PPP4R2: variants seen among roughly 807,000 people sequenced by gnomAD.
PPP4R2 encodes serine/threonine-protein phosphatase 4 regulatory subunit 2.
Under a neutral mutation model 47.2 loss-of-function variants are expected in PPP4R2, and 13 were observed. The ratio of observed to expected loss-of-function variants is 0.28; its 90% CI spans 0.18 to 0.44. The LOEUF (loss-of-function observed/expected upper bound fraction) is 0.44. Among genes scored for constraint, PPP4R2 ranks in the 20% least tolerant of loss-of-function variants. The pLI is 1.00. For missense variants in PPP4R2, 421 were observed against 491.2 expected (o/e 0.86, Z 1.35); for synonymous variants, 151 against 163.3 (o/e 0.92, Z 0.57).
At chr3:73,044,571 G>T (rs1487318551) in intron 2 of PPP4R2, among the ~76,000 whole-genome samples, 1 of 152,176 alleles carries the variant, frequency 6.6e-6, no homozygotes, top group African/African-American at 2.4e-5. Flanking sequence ...TGGCAACGGA[G>T]TGACACTGTC....
intron 2 of PPP4R2, among the ~76,000 whole-genome samples, chr3:73,031,824 C>T (rs1035806431): frequency 6.6e-6 from 1 of 152,194 alleles, no homozygotes; most frequent in Non-Finnish European, 1.5e-5. Flanking sequence ...CATATATCTA[C>T]TGTATTACTC....
intron 2 of PPP4R2, among the ~76,000 whole-genome samples, chr3:73,032,289 CTTT>C (rs199550474): frequency 1.4e-5 from 2 of 144,974 alleles, no homozygotes; most frequent in African/African-American, 2.5e-5. Context: ...AAAATTATTT[CTTT>C]TTTTTTTTTT....
intron 3 of PPP4R2, among the ~76,000 whole-genome samples, chr3:73,057,376 A>G (rs1575885437): frequency 6.6e-6 from 1 of 152,098 alleles, no homozygotes; most frequent in Admixed American, 6.5e-5. Flanking sequence ...AGGATTCTTC[A>G]TTTTGACATT....
At chr3:73,063,318 T>A (rs1234788784) in intron 5 of PPP4R2, 36 of 92,132 alleles carry the variant, frequency 3.9e-4, no homozygotes, top group Admixed American at 6.8e-4. Flanking sequence ...TCTCATTATT[T>A]AAAAAAAAAA....
intron 2 of PPP4R2, among the ~76,000 whole-genome samples, chr3:73,045,568 G>A (rs1265116116): frequency 2.9e-5 from 4 of 138,480 alleles, no homozygotes; most frequent in Non-Finnish European, 4.5e-5. Flanking sequence ...CTCATCGCCC[G>A]GGCTGGCGTG....
At position 73,067,160 on chromosome 3, in the gene PPP4R2, T is replaced by A. The variant is rs1170100306; in HGVS notation, c.*1438T>A. On this transcript the variant is annotated 3_prime_UTR_variant, in exon 9 of 9. Coordinates refer to ENST00000356692, the MANE Select transcript of PPP4R2 (RefSeq NM_174907.4). ...GAATGCTTGGGCTTTCAATACAGTA[T>A]TCATATAAAGCAATAAATATTAATG... 1.3e-5 allele frequency: 2 copies of A among 152,114 alleles called. No homozygotes were observed. Among genetic ancestry groups the A allele is most frequent in the Non-Finnish European group, 2.9e-5 (2 of 67,964 alleles). The allele number at this position is 152,114 out of a possible 1,614,324, so 9.4% of individuals were successfully genotyped here.
Position 73,069,054 on chromosome 3 carries a change from G to A in PPP4R2, c.*3332G>A, listed in dbSNP as rs965624542. 5 of 152,148 alleles carry A rather than the reference G, an allele frequency of 3.3e-5. No homozygotes were observed. Among genetic ancestry groups the A allele is most frequent in the Non-Finnish European group, 7.4e-5 (5 of 68,016 alleles). The allele number at this position is 152,148 out of a possible 1,614,324, so 9.4% of individuals were successfully genotyped here. ...GGGTTTTGGCCTAATAAGAGTGCTA[G>A]TATGTATTGGTTAGACTACATCTTA... On this transcript the variant is annotated 3_prime_UTR_variant, in exon 9 of 9. Transcript: ENST00000356692.
chr3:73,063,844 C>A, intron 6 of PPP4R2, 97 bp downstream of exon 6: 2 of 1,117,168 alleles, frequency 1.8e-6, no homozygotes, highest in Non-Finnish European at 2.7e-6. Flanking sequence ...ATTTTATGGA[C>A]ACCATAGGAT....
At chr3:73,054,984 G>C (rs1295847031) in intron 3 of PPP4R2, among the ~76,000 whole-genome samples, 1 of 151,950 alleles carries the variant, frequency 6.6e-6, no homozygotes, top group Non-Finnish European at 1.5e-5. Flanking sequence ...AATTTCCATA[G>C]CTTTTAGGTG....
chr3:73,003,512 C>T (rs1701528718), intron 2 of PPP4R2, among the ~76,000 whole-genome samples: 1 of 151,996 alleles, frequency 6.6e-6, no homozygotes, highest in African/African-American at 2.4e-5. Context: ...ACTGCCCCGG[C>T]TGACTTTCCC....
At chr3:73,051,422 C>T (rs1702609451) in intron 3 of PPP4R2, among the ~76,000 whole-genome samples, 1 of 152,154 alleles carries the variant, frequency 6.6e-6, no homozygotes, top group African/African-American at 2.4e-5. Context: ...AATGGAACAT[C>T]TTTTTGTGTA....
At chr3:73,010,047 T>C (rs1041710400) in intron 2 of PPP4R2, among the ~76,000 whole-genome samples, 1 of 152,160 alleles carries the variant, frequency 6.6e-6, no homozygotes, top group African/African-American at 2.4e-5. Context: ...ATATTAAATA[T>C]TTTTGAGAAC....
chr3:73,004,417 A>C (rs1701551270), intron 2 of PPP4R2, among the ~76,000 whole-genome samples: 1 of 152,056 alleles, frequency 6.6e-6, no homozygotes, highest in Non-Finnish European at 1.5e-5. Context: ...TGAGTGTCTT[A>C]AGTTTGTTAA....
chr3:73,008,866 G>A (rs1701668173), intron 2 of PPP4R2, among the ~76,000 whole-genome samples: 2 of 152,268 alleles, frequency 1.3e-5, no homozygotes, highest in African/African-American at 4.8e-5. Flanking sequence ...AACAGATTTA[G>A]GTTTGAATTC....
intron 2 of PPP4R2, among the ~76,000 whole-genome samples, chr3:73,013,965 C>G (rs1701775298): frequency 7.5e-6 from 1 of 133,258 alleles, no homozygotes; most frequent in African/African-American, 2.6e-5. Context: ...CTTACCAAAA[C>G]ACAAAAATTT....
chr3:73,048,814 C>T (rs967059480), intron 3 of PPP4R2, among the ~76,000 whole-genome samples: 7 of 152,120 alleles, frequency 4.6e-5, no homozygotes, highest in African/African-American at 1.7e-4. Flanking sequence ...ATAGTGTAAT[C>T]CAGTTAACGG....
chr3:73,001,146 A>G (rs746179278), intron 2 of PPP4R2, among the ~76,000 whole-genome samples: 18 of 152,204 alleles, frequency 1.2e-4, no homozygotes, highest in Admixed American at 8.5e-4. Flanking sequence ...CAAGACTACA[A>G]TCTTGGTGGT....
At chr3:73,054,624 A>T (rs1271764818) in intron 3 of PPP4R2, among the ~76,000 whole-genome samples, 1 of 151,766 alleles carries the variant, frequency 6.6e-6, no homozygotes, top group Non-Finnish European at 1.5e-5. Flanking sequence ...CTTTTTTTTT[A>T]GTAGGATGTC....
intron 2 of PPP4R2, among the ~76,000 whole-genome samples, chr3:73,003,131 T>A (rs900418588): frequency 4.0e-5 from 6 of 148,412 alleles, no homozygotes; most frequent in African/African-American, 1.5e-4. Context: ...TTTTTTTTTT[T>A]ACATATTCTC....
Sources: allele counts gnomAD v4.1 joint callset (sites outside exome capture counted in the v4.1 genomes callset), GRCh38; gene constraint gnomAD v4.1.1; transcripts MANE v1.5; gene names NCBI Gene and HGNC (gene_info 2026-07-23, HGNC 2026-07-21).